AUTS2: variants seen among roughly 807,000 people sequenced by gnomAD.
AUTS2 encodes activator of transcription and developmental regulator AUTS2.
AUTS2 carries 17 observed loss-of-function variants against 112.4 expected under a neutral mutation model. That is an observed-to-expected ratio of 0.15 (90% CI 0.10 to 0.23). The LOEUF is 0.23. Among genes scored for constraint, AUTS2 ranks in the 10% least tolerant of loss-of-function variants. The pLI is 1.00. For missense variants in AUTS2, 1,510 were observed against 1,701.6 expected, an observed-to-expected ratio of 0.89 and a Z score of 1.98; for synonymous variants, 751 against 702.7, an observed-to-expected ratio of 1.07 and a Z score of -1.09.
chr7:70,104,120 TC>T (rs1220099056), intron 2 of AUTS2, among the ~76,000 whole-genome samples: 3 of 151,732 alleles, frequency 2.0e-5, no homozygotes, highest in Non-Finnish European at 4.4e-5. Context: ...GAAGCTGCTG[TC>T]CAGGCTATTT....
chr7:70,164,842 ACT>A (rs1173025854), intron 4 of AUTS2, among the ~76,000 whole-genome samples: 1 of 151,900 alleles, frequency 6.6e-6, no homozygotes, highest in Non-Finnish European at 1.5e-5. Context: ...ACATAGACAC[ACT>A]CACGTAAGAT....
chr7:69,723,887 G>A (rs945352249), intron 1 of AUTS2, among the ~76,000 whole-genome samples: 1 of 152,182 alleles, frequency 6.6e-6, no homozygotes, highest in Non-Finnish European at 1.5e-5. Flanking sequence ...TCCTCAGGCT[G>A]CAACAGAAAG....
chr7:70,110,387 G>A (rs1158200433), intron 2 of AUTS2, among the ~76,000 whole-genome samples: 1 of 152,064 alleles, frequency 6.6e-6, no homozygotes, highest in Non-Finnish European at 1.5e-5. Context: ...GTGGTGGTGG[G>A]CACCTGTAAT....
intron 2 of AUTS2, among the ~76,000 whole-genome samples, chr7:69,967,779 A>G (rs17141070): frequency 0.031 from 4,682 of 152,162 alleles, 116 homozygotes; most frequent in South Asian, 0.071. Flanking sequence ...AGCTGGTTCT[A>G]TGTTAAGTTC....
chr7:70,776,920 C>T (rs534468917), intron 13 of AUTS2, 183 bp from the exon 14 acceptor site: 33 of 641,936 alleles, frequency 5.1e-5, no homozygotes, highest in African/African-American at 4.3e-4. Flanking sequence ...GGGGAGCTGG[C>T]TGTGACTCCC....
At chr7:70,027,179 A>G (rs1800558853) in intron 2 of AUTS2, among the ~76,000 whole-genome samples, 2 of 152,174 alleles carry the variant, frequency 1.3e-5, no homozygotes, top group African/African-American at 2.4e-5. Flanking sequence ...CAATGGGCTT[A>G]TTGGGATATA....
intron 4 of AUTS2, among the ~76,000 whole-genome samples, chr7:70,404,514 C>G (rs1396810852): frequency 2.0e-5 from 3 of 152,180 alleles, no homozygotes. Flanking sequence ...ATATGATGTA[C>G]CTTTTCAAAT....
chr7:70,448,387 G>A (rs1796402462), intron 5 of AUTS2, among the ~76,000 whole-genome samples: 1 of 152,120 alleles, frequency 6.6e-6, no homozygotes, highest in African/African-American at 2.4e-5. Context: ...GATAAGCATG[G>A]CTTTTCTCAC....
intron 1 of AUTS2, among the ~76,000 whole-genome samples, chr7:69,857,489 A>T (rs1446611564): frequency 6.6e-6 from 1 of 152,236 alleles, no homozygotes. Flanking sequence ...CTTACTGATA[A>T]TAGGCAGATT....
At chr7:70,360,902 T>G (rs531115706) in intron 4 of AUTS2, among the ~76,000 whole-genome samples, 1 of 152,338 alleles carries the variant, frequency 6.6e-6, no homozygotes, top group East Asian at 1.9e-4. Context: ...TCCAAAATGA[T>G]TCCACACACA....
intron 1 of AUTS2, among the ~76,000 whole-genome samples, chr7:69,751,229 A>G (rs1300876865): frequency 2.0e-5 from 3 of 152,194 alleles, no homozygotes; most frequent in Non-Finnish European, 4.4e-5. Flanking sequence ...GTGTCTGATA[A>G]ATAACAGCCT....
intron 5 of AUTS2, among the ~76,000 whole-genome samples, chr7:70,628,221 G>A (rs547656035): frequency 6.6e-6 from 1 of 152,058 alleles, no homozygotes; most frequent in Non-Finnish European, 1.5e-5. Flanking sequence ...GCCATGGTGG[G>A]ACAGATTTAC....
intron 2 of AUTS2, among the ~76,000 whole-genome samples, chr7:69,971,972 G>A (rs1797867826): frequency 6.6e-6 from 1 of 152,126 alleles, no homozygotes; most frequent in Non-Finnish European, 1.5e-5. Context: ...AGTATGTATA[G>A]TATTTGCGTG....
chr7:70,713,244 A>G (rs35075890), intron 6 of AUTS2, among the ~76,000 whole-genome samples: 40,173 of 152,208 alleles, frequency 0.26, 5,758 homozygotes, highest in Middle Eastern at 0.42. Flanking sequence ...CACAGCACAC[A>G]ACACACACAC....
chr7:69,772,137 T>C (rs1432659699), intron 1 of AUTS2, among the ~76,000 whole-genome samples: 1 of 152,152 alleles, frequency 6.6e-6, no homozygotes, highest in African/African-American at 2.4e-5. Context: ...TCCTTATGTC[T>C]TCATTCCTTT....
At chr7:70,168,645 T>C (rs1418363849) in intron 4 of AUTS2, among the ~76,000 whole-genome samples, 1 of 152,220 alleles carries the variant, frequency 6.6e-6, no homozygotes, top group Non-Finnish European at 1.5e-5. Flanking sequence ...GCAGAATTTG[T>C]CTAGATGTTT....
At chr7:70,025,764 TTTTTTTACTAAGC>T (rs1216955930) in intron 2 of AUTS2, among the ~76,000 whole-genome samples, 1 of 150,368 alleles carries the variant, frequency 6.7e-6, no homozygotes, top group African/African-American at 2.5e-5. Flanking sequence ...CCTGCATACT[TTTTTTTACTAAGC>T]TTTTTTTTTT....
At chr7:70,141,829 A>G (rs546902698) in intron 4 of AUTS2, among the ~76,000 whole-genome samples, 18 of 152,294 alleles carry the variant, frequency 1.2e-4, no homozygotes, top group African/African-American at 4.3e-4. Flanking sequence ...TGACTAAATG[A>G]ACAGTACAAG....
chr7:69,809,201 A>G (rs938651497), intron 1 of AUTS2, among the ~76,000 whole-genome samples: 1 of 151,736 alleles, frequency 6.6e-6, no homozygotes, highest in Admixed American at 6.6e-5. Flanking sequence ...CAGCCTCCCC[A>G]GTAGCTGGGA....
Sources: gnomAD v4.1 joint callset for allele counts (sites outside exome capture counted in the v4.1 genomes callset) on GRCh38, gnomAD v4.1.1 for gene constraint, MANE v1.5 for transcripts, NCBI Gene and HGNC (gene_info 2026-07-23, HGNC 2026-07-21) for gene names.